TGFB2: variants seen among roughly 807,000 people sequenced by gnomAD.
The protein encoded by TGFB2 is transforming growth factor beta-2 proprotein.
In TGFB2, 13 loss-of-function variants were observed where a neutral mutation model predicts 42.7. The observed-to-expected ratio is 0.30, with a 90% CI of 0.20 to 0.48. The LOEUF (loss-of-function observed/expected upper bound fraction) is 0.48, where lower values mean the gene tolerates loss of function less well. Ranked by LOEUF, TGFB2 falls within the 20% of genes least tolerant of loss-of-function variation. The pLI is 0.99. For missense variants in TGFB2, 390 were observed against 517.5 expected, an observed-to-expected ratio of 0.75 and a Z score of 2.39; for synonymous variants, 193 against 193.6, an observed-to-expected ratio of 1.00 and a Z score of 0.03.
At chr1:218,356,206 A>G (rs1261228342) in intron 1 of TGFB2, among the ~76,000 whole-genome samples, 1 of 152,066 alleles carries the variant, frequency 6.6e-6, no homozygotes, top group Non-Finnish European at 1.5e-5. Context: ...TTCAAAGGGT[A>G]TATAAATTTT....
In TGFB2 at chr1:218,412,599, C is replaced by T. The variant is rs142064510; in HGVS notation, c.510+7267C>T. 5.3e-4 allele frequency among the ~76,000 whole-genome samples: 80 copies of T among 152,248 alleles called. No homozygotes were observed. In the East Asian group the frequency reaches 0.013, roughly 24 times the overall value. ...ATGGCATAGTATGCAATGGTATGGG[C>T]GTTGTGACCTAAGCTTTCTTAGTAA... is the stretch of plus-strand genomic sequence containing the variant. On this transcript the variant is annotated intron_variant, in intron 2 of 6. Coordinates refer to ENST00000366930, the MANE Select transcript of TGFB2 (RefSeq NM_003238.6).
At chr1:218,361,636 C>T (rs535602516) in intron 1 of TGFB2, among the ~76,000 whole-genome samples, 1 of 152,194 alleles carries the variant, frequency 6.6e-6, no homozygotes, top group Non-Finnish European at 1.5e-5. Flanking sequence ...GCATATTCTA[C>T]CTTTCTCTGG....
rs11466412 is a variant in TGFB2 at position 218,441,401 on chromosome 1, G to A, written c.*39G>A. The stretch of plus-strand genomic sequence containing the variant: ...GTGGCAAGACCAAAATGACAATGAT[G>A]ATGATAATGATGATGACGACGACAA... On this transcript the variant is annotated 3_prime_UTR_variant, in exon 7 of 7. Transcript: ENST00000366930. 25,883 of 1,564,748 alleles carry A rather than the reference G, an allele frequency of 0.017. 245 individuals carry two copies. Among genetic ancestry groups the A allele is most frequent in the African/African-American group, 0.039 (2,868 of 72,934 alleles).
chr1:218,352,316 C>T (rs1656895332), intron 1 of TGFB2, among the ~76,000 whole-genome samples: 1 of 152,066 alleles, frequency 6.6e-6, no homozygotes, highest in African/African-American at 2.4e-5. Context: ...CGCTTCTGCT[C>T]AAGGGTGGAT....
Position 218,437,597 on chromosome 1 carries a change from C to T in TGFB2, c.1086+101C>T, listed in dbSNP as rs550996960. On this transcript the variant is annotated intron_variant, in intron 6 of 6. Transcript: ENST00000366930. ...TGTAATTAACCTCGTGCTGTCTTACCATCACACATGTATGGGTACTGGAGA... is the reference window on the plus strand; with the variant it reads ...TGTAATTAACCTCGTGCTGTCTTACTATCACACATGTATGGGTACTGGAGA... 2.1e-4 allele frequency: 267 copies of T among 1,285,338 alleles called. 1 individual carries two copies. Among genetic ancestry groups the T allele is most frequent in the Non-Finnish European group, 2.6e-4 (255 of 962,372 alleles). 79.6% of individuals were successfully genotyped at this position (1,285,338 alleles called of 1,614,324 possible). A position where few individuals can be genotyped will look rare whatever the true frequency, so the allele number is the denominator to read the frequency against.
chr1:218,378,092 T>A (rs755277326), intron 1 of TGFB2, among the ~76,000 whole-genome samples: 14 of 150,520 alleles, frequency 9.3e-5, no homozygotes, highest in African/African-American at 3.4e-4. Flanking sequence ...TCTCCTGCCT[T>A]AGTCTCCTGA....
At chr1:218,364,976 A>G (rs1019651948) in intron 1 of TGFB2, among the ~76,000 whole-genome samples, 91 of 152,228 alleles carry the variant, frequency 6.0e-4, no homozygotes, top group African/African-American at 2.2e-3. Flanking sequence ...CTATTTGGAA[A>G]GGAAAACGGG....
chr1:218,384,568 T>C (rs1658068504), intron 1 of TGFB2, among the ~76,000 whole-genome samples: 1 of 152,182 alleles, frequency 6.6e-6, no homozygotes, highest in Non-Finnish European at 1.5e-5. Flanking sequence ...ATGAAAACAG[T>C]ATCTACCTCG....
At position 218,430,436 on chromosome 1, in the gene TGFB2, C is replaced by T. The variant is rs550670619; in HGVS notation, c.511-3646C>T. On this transcript the variant is annotated intron_variant, in intron 2 of 6. Coordinates refer to ENST00000366930, the MANE Select transcript of TGFB2 (RefSeq NM_003238.6). ...TAAAGAAATTTAGAAGCAAATGACTCATGAATCTAGAAAAACAATTAACAG... is the reference window on the plus strand; with the variant it reads ...TAAAGAAATTTAGAAGCAAATGACTTATGAATCTAGAAAAACAATTAACAG... Among the ~76,000 whole-genome samples the T allele has an allele frequency of 7.2e-5, 11 of 151,912 alleles. No homozygotes were observed. In the South Asian group the frequency reaches 2.3e-3, roughly 32 times the overall value.
intron 1 of TGFB2, among the ~76,000 whole-genome samples, chr1:218,373,800 C>T (rs889520850): frequency 6.6e-6 from 1 of 152,138 alleles, no homozygotes; most frequent in Admixed American, 6.5e-5. Context: ...TGTGTCAGGG[C>T]ATCATTCTCT....
At chr1:218,379,126 C>CTT (rs748882381) in intron 1 of TGFB2, among the ~76,000 whole-genome samples, 80,931 of 142,536 alleles carry the variant, frequency 0.57, 23,501 homozygotes, top group Non-Finnish European at 0.59. Flanking sequence ...TTCTTTCTTT[C>CTT]TTTCTTTTTT....
intron 1 of TGFB2, among the ~76,000 whole-genome samples, chr1:218,397,421 G>A (rs7536358): frequency 6.6e-6 from 1 of 151,612 alleles, no homozygotes; most frequent in Non-Finnish European, 1.5e-5. Flanking sequence ...AAAATTAGCC[G>A]GGCATGGTGG....
rs1383351665 is a variant in TGFB2 at position 218,380,474 on chromosome 1, C to G, written c.347-24695C>G. On this transcript the variant is annotated intron_variant, in intron 1 of 6. Coordinates refer to ENST00000366930, the MANE Select transcript of TGFB2 (RefSeq NM_003238.6). ...GGCCTGTTTTTTTTTTCCTAGCTAA[C>G]CCCTTTGATTAGCAAATAGTACAAA... 2.0e-5 allele frequency among the ~76,000 whole-genome samples: 3 copies of G among 152,126 alleles called. No individual in the cohort carries two copies. The South Asian group carries it at 6.2e-4, about 32-fold the overall frequency.
At chr1:218,355,147 G>T (rs546173744) in intron 1 of TGFB2, among the ~76,000 whole-genome samples, 1 of 152,144 alleles carries the variant, frequency 6.6e-6, no homozygotes, top group African/African-American at 2.4e-5. Flanking sequence ...TGATCCATCC[G>T]CCTCGGTCTC....
At chr1:218,425,142 C>T (rs4846481) in intron 2 of TGFB2, among the ~76,000 whole-genome samples, 56,185 of 151,974 alleles carry the variant, frequency 0.37, 11,244 homozygotes, top group East Asian at 0.71. Flanking sequence ...AGTCCAGGCT[C>T]TTCCTGAAGG....
chr1:218,361,810 C>T (rs1657220909), intron 1 of TGFB2, among the ~76,000 whole-genome samples: 1 of 152,164 alleles, frequency 6.6e-6, no homozygotes, highest in Non-Finnish European at 1.5e-5. Context: ...GAATTTTCTT[C>T]CTGTAAGACT....
intron 2 of TGFB2, among the ~76,000 whole-genome samples, chr1:218,421,278 A>G (rs926816245): frequency 6.6e-6 from 1 of 152,150 alleles, no homozygotes; most frequent in Admixed American, 6.6e-5. Context: ...ATACAGTATT[A>G]AATTGCTTAT....
intron 1 of TGFB2, among the ~76,000 whole-genome samples, chr1:218,356,347 G>T (rs559485211): frequency 6.6e-5 from 10 of 151,804 alleles, no homozygotes; most frequent in Non-Finnish European, 1.2e-4. Context: ...CTCTACAATA[G>T]TTGGGACCAC....
At chr1:218,410,523 A>G (rs1659060781) in intron 2 of TGFB2, among the ~76,000 whole-genome samples, 1 of 152,228 alleles carries the variant, frequency 6.6e-6, no homozygotes, top group South Asian at 2.1e-4. Flanking sequence ...CAAACTCTAA[A>G]TAGCATCTAC....
Sources: gnomAD v4.1 joint callset for allele counts (sites outside exome capture counted in the v4.1 genomes callset) on GRCh38, gnomAD v4.1.1 for gene constraint, MANE v1.5 for transcripts, NCBI Gene and HGNC (gene_info 2026-07-23, HGNC 2026-07-21) for gene names.